The following SLC25A12 variants were observed in gnomAD, a reference collection of about 807,000 sequenced individuals.
SLC25A12 encodes electrogenic aspartate/glutamate antiporter SLC25A12, mitochondrial.
In SLC25A12, 32 loss-of-function variants were observed where a neutral mutation model predicts 83.3. The ratio of observed to expected loss-of-function variants is 0.38; its 90% CI spans 0.29 to 0.52. SLC25A12 has a LOEUF of 0.52. Ranked by LOEUF, SLC25A12 falls within the 20% of genes least tolerant of loss-of-function variation. SLC25A12 has a pLI of 0.84. For missense variants in SLC25A12, 611 were observed against 835.6 expected (o/e 0.73, Z 3.31); for synonymous variants, 267 against 291.1 (o/e 0.92, Z 0.84).
intron 5 of SLC25A12, among the ~76,000 whole-genome samples, 188 bp from the exon 6 acceptor site, chr2:171,837,455 C>T (rs1022970555): frequency 2.6e-5 from 4 of 152,134 alleles, no homozygotes; most frequent in African/African-American, 9.7e-5. Flanking sequence ...TAAAAATGTA[C>T]TACATATTAC....
chr2:171,876,315 A>T (rs1337870706), intron 2 of SLC25A12, among the ~76,000 whole-genome samples: 1 of 152,182 alleles, frequency 6.6e-6, no homozygotes, highest in Non-Finnish European at 1.5e-5. Context: ...TCTACAGGAG[A>T]CAGTTAACTA....
intron 5 of SLC25A12, among the ~76,000 whole-genome samples, chr2:171,840,519 TGAA>T (rs1234331288): frequency 3.9e-5 from 6 of 151,938 alleles, no homozygotes; most frequent in Non-Finnish European, 8.8e-5. Flanking sequence ...TCAATATCTT[TGAA>T]GAAGTGAAAG....
chr2:171,884,202 T>TC (rs1031462220), intron 2 of SLC25A12, among the ~76,000 whole-genome samples: 6 of 140,022 alleles, frequency 4.3e-5, no homozygotes, highest in Admixed American at 1.4e-4. Flanking sequence ...TTTTTTTTTT[T>TC]CCCCCCGAGA....
At chr2:171,893,089 T>C in intron 2 of SLC25A12, 116 bp downstream of exon 2, 1 of 801,382 alleles carries the variant, frequency 1.2e-6, no homozygotes, top group East Asian at 2.5e-5. Context: ...TGTCCGGTCA[T>C]GTTTGAAAGA....
intron 13 of SLC25A12, among the ~76,000 whole-genome samples, chr2:171,800,216 C>T (rs929495154): frequency 6.6e-6 from 1 of 151,974 alleles, no homozygotes; most frequent in African/African-American, 2.4e-5. Flanking sequence ...ATATCCACAA[C>T]ACATCTGTTT....
intron 4 of SLC25A12, among the ~76,000 whole-genome samples, chr2:171,853,092 G>A (rs186487964): frequency 1.5e-4 from 23 of 152,292 alleles, no homozygotes; most frequent in Middle Eastern, 3.4e-3. Flanking sequence ...CTGGGCTCAA[G>A]AGATCCTCCC....
At chr2:171,792,860 G>C (rs1683510007) in intron 14 of SLC25A12, among the ~76,000 whole-genome samples, 2 of 152,112 alleles carry the variant, frequency 1.3e-5, no homozygotes, top group Admixed American at 1.3e-4. Flanking sequence ...CTAATTTGCA[G>C]TTACCGAAAC....
At chr2:171,804,723 C>A (rs1313112681) in intron 13 of SLC25A12, among the ~76,000 whole-genome samples, 1 of 152,112 alleles carries the variant, frequency 6.6e-6, no homozygotes, top group Non-Finnish European at 1.5e-5. Flanking sequence ...GCCAGCCTGG[C>A]CAAGTAAGAC....
At chr2:171,816,943 G>A (rs6716901) in intron 9 of SLC25A12, among the ~76,000 whole-genome samples, 13,024 of 152,218 alleles carry the variant, frequency 0.086, 690 homozygotes, top group Non-Finnish European at 0.12. Flanking sequence ...ATGTGAAGGT[G>A]GCAACTTTGG....
chr2:171,852,226 C>T (rs1684949472), intron 4 of SLC25A12, among the ~76,000 whole-genome samples: 1 of 152,178 alleles, frequency 6.6e-6, no homozygotes, highest in Non-Finnish European at 1.5e-5. Flanking sequence ...CTCCCCAGAG[C>T]AGAGGTATCT....
chr2:171,856,062 G>A, intron 3 of SLC25A12, 113 bp from the exon 4 acceptor site: 3 of 729,020 alleles, frequency 4.1e-6, no homozygotes, highest in South Asian at 1.5e-5. Context: ...ATTGATAAAG[G>A]GTAGTTTGTT....
chr2:171,844,722 T>C (rs940052317), intron 4 of SLC25A12, among the ~76,000 whole-genome samples: 4 of 152,200 alleles, frequency 2.6e-5, no homozygotes, highest in Non-Finnish European at 5.9e-5. Flanking sequence ...ATATGTACCA[T>C]TGCATATAAG....
chr2:171,873,862 C>A (rs766307249), intron 2 of SLC25A12, among the ~76,000 whole-genome samples: 70 of 151,988 alleles, frequency 4.6e-4, no homozygotes, highest in Non-Finnish European at 7.9e-4. Flanking sequence ...CGAATTCAGT[C>A]CTTTTGAAAA....
chr2:171,853,191 T>C (rs527875787), intron 4 of SLC25A12, among the ~76,000 whole-genome samples: 1 of 152,276 alleles, frequency 6.6e-6, no homozygotes, highest in Admixed American at 6.5e-5. Context: ...CTTTTTCTTA[T>C]TCCATAATAA....
At chr2:171,823,996 T>C (rs1346628652) in intron 9 of SLC25A12, among the ~76,000 whole-genome samples, 1 of 151,712 alleles carries the variant, frequency 6.6e-6, no homozygotes, top group Non-Finnish European at 1.5e-5. Flanking sequence ...TTGGGGACAA[T>C]GTAAGAATAC....
intron 2 of SLC25A12, among the ~76,000 whole-genome samples, chr2:171,891,091 G>A (rs1406036612): frequency 1.3e-5 from 2 of 152,170 alleles, no homozygotes; most frequent in East Asian, 3.9e-4. Flanking sequence ...CAGATCACGA[G>A]GTCAGGAGAT....
intron 4 of SLC25A12, among the ~76,000 whole-genome samples, chr2:171,850,337 G>GTT (rs55922545): frequency 8.9e-5 from 5 of 56,166 alleles, no homozygotes; most frequent in African/African-American, 1.4e-4. Context: ...GCTGGTCTTT[G>GTT]TTTTTTTTTT....
chr2:171,802,777 A>AAAAAAT, intron 13 of SLC25A12, among the ~76,000 whole-genome samples: 1 of 152,190 alleles, frequency 6.6e-6, no homozygotes, highest in South Asian at 2.1e-4. Flanking sequence ...CTCTGTCTCG[A>AAAAAAT]AAAAATAAAA....
chr2:171,818,353 G>C (rs563651503), intron 9 of SLC25A12, among the ~76,000 whole-genome samples: 5 of 152,182 alleles, frequency 3.3e-5, no homozygotes, highest in East Asian at 1.9e-4. Context: ...TTCAAAACAA[G>C]AGTTGAGAAT....
Sources: gnomAD v4.1 joint callset for allele counts (sites outside exome capture counted in the v4.1 genomes callset) on GRCh38, gnomAD v4.1.1 for gene constraint, MANE v1.5 for transcripts, NCBI Gene and HGNC (gene_info 2026-07-23, HGNC 2026-07-21) for gene names.